The following HLTF variants were observed in gnomAD, a reference collection of about 807,000 sequenced individuals.
HLTF encodes DNA-dependent ATPase/E3 ubiquitin-protein ligase HLTF.
In HLTF, 127 loss-of-function variants were observed where a neutral mutation model predicts 129.4. That is an observed-to-expected ratio of 0.98 (90% CI 0.85 to 1.14). HLTF has a LOEUF of 1.14. Ranked by LOEUF, HLTF falls within the 50% of genes most tolerant of loss-of-function variation. HLTF has a pLI of 0.00. For synonymous variants in HLTF, 332 were observed against 388.8 expected, an observed-to-expected ratio of 0.85 and a Z score of 1.72; for missense variants, 1,139 against 1,187.1, an observed-to-expected ratio of 0.96 and a Z score of 0.60.
chr3:149,048,230 C>T (rs929091112), intron 16 of HLTF, 67 bp from the exon 17 acceptor site: 7 of 1,312,034 alleles, frequency 5.3e-6, no homozygotes, highest in South Asian at 1.5e-5. Context: ...CTATTTGGCC[C>T]AATCAGAGAA....
rs1377714488 is a variant in HLTF, at chr3:149,050,357, T to C, written c.1492A>G (p.Ile498Val). The change falls in exon 15 of 25, where the codon ATA (isoleucine) becomes GTA (valine). Residue 498 changes from isoleucine (I) to valine (V), a missense_variant. By Grantham distance (29) the Ile-to-Val change is conservative. Transcript: ENST00000310053. ...AAATTCAAGTGTACATCTGATTTTA[T>C]ATGTTGTCCAAACTGGTCCTAAAGA... Reference protein sequence around the residue: ...SNWIDQFGQHIKSDVHLNFYV... With the variant: ...SNWIDQFGQHVKSDVHLNFYV... 2 of 1,589,156 alleles carry C rather than the reference T, an allele frequency of 1.3e-6. No homozygotes were observed. The highest frequency in any genetic ancestry group is 8.6e-7 in the Non-Finnish European group (1 of 1,165,380).
At chr3:149,049,382 T>G (rs1351566436) in intron 15 of HLTF, among the ~76,000 whole-genome samples, 3 of 152,170 alleles carry the variant, frequency 2.0e-5, no homozygotes, top group African/African-American at 7.2e-5. Context: ...AAGAATTACT[T>G]GAATTCAACA....
At chr3:149,033,350 G>A (rs1715295329) in intron 24 of HLTF, among the ~76,000 whole-genome samples, 1 of 143,422 alleles carries the variant, frequency 7.0e-6, no homozygotes, top group Non-Finnish European at 1.5e-5. Flanking sequence ...GATAGTTCTC[G>A]AAAGTAATAA....
intron 7 of HLTF, 149 bp downstream of exon 7, chr3:149,071,103 C>T: frequency 2.1e-6 from 1 of 486,506 alleles, no homozygotes. Flanking sequence ...TAACTAAAAA[C>T]TACAGGAAAA....
chr3:149,079,871 G>A (rs190919697), intron 2 of HLTF, among the ~76,000 whole-genome samples: 17 of 152,168 alleles, frequency 1.1e-4, no homozygotes, highest in Middle Eastern at 3.4e-3. Flanking sequence ...GATTACAGGC[G>A]TGAGCCACCA....
At chr3:149,035,316 A>T (rs1332093675) in intron 23 of HLTF, among the ~76,000 whole-genome samples, 2 of 152,170 alleles carry the variant, frequency 1.3e-5, no homozygotes, top group Non-Finnish European at 2.9e-5. Context: ...TGTGCTTAAC[A>T]GCAGAAAAAG....
At chr3:149,054,054 A>C (rs931453775) in intron 14 of HLTF, among the ~76,000 whole-genome samples, 5 of 152,164 alleles carry the variant, frequency 3.3e-5, no homozygotes, top group Non-Finnish European at 4.4e-5. Context: ...AATAAACCAA[A>C]AACTTATATA....
intron 8 of HLTF, among the ~76,000 whole-genome samples, chr3:149,065,313 T>C (rs1297715935): frequency 6.6e-6 from 1 of 152,202 alleles, no homozygotes; most frequent in African/African-American, 2.4e-5. Flanking sequence ...TAATATATAA[T>C]AGTACAGGTC....
chr3:149,054,415 A>T (rs2108000641), intron 14 of HLTF, among the ~76,000 whole-genome samples: 1 of 152,294 alleles, frequency 6.6e-6, no homozygotes, highest in East Asian at 1.9e-4. Context: ...AAAAGAGAGA[A>T]TCCAATGTAG....
intron 2 of HLTF, among the ~76,000 whole-genome samples, chr3:149,079,817 T>A (rs557901034): frequency 6.2e-4 from 95 of 152,208 alleles, no homozygotes; most frequent in African/African-American, 2.3e-3. Flanking sequence ...GGTCTCAATC[T>A]CCTAACCTCG....
At chr3:149,058,015 A>G (rs151318815) in intron 13 of HLTF, among the ~76,000 whole-genome samples, 12 of 152,286 alleles carry the variant, frequency 7.9e-5, no homozygotes, top group Non-Finnish European at 1.6e-4. Context: ...ACGAATTCCT[A>G]TTGCTGCACA....
chr3:149,039,431 C>A, intron 22 of HLTF, 150 bp downstream of exon 22: 1 of 589,008 alleles, frequency 1.7e-6, no homozygotes, highest in Non-Finnish European at 2.8e-6. Context: ...TCTTGTGCTG[C>A]CAGGAAGTAT....
chr3:149,038,200 T>C (rs1310299135), intron 23 of HLTF, among the ~76,000 whole-genome samples: 1 of 152,212 alleles, frequency 6.6e-6, no homozygotes, highest in Non-Finnish European at 1.5e-5. Context: ...CATTAAAGCT[T>C]AAGACTACTA....
Position 149,050,290 on chromosome 3 carries a change from A to G in HLTF, c.1559T>C (p.Leu520Ser). The G allele has an allele frequency of 6.2e-7, 1 of 1,602,058 alleles. No individual in the cohort carries two copies. Among genetic ancestry groups the G allele is most frequent in the East Asian group, 2.2e-5 (1 of 44,672 alleles). ...CAAAACAATATCCTGTTTTGAAAGTAAGGCCGGTTCTCTAATACGATCAGG... is the reference window on the plus strand; with the variant it reads ...CAAAACAATATCCTGTTTTGAAAGTGAGGCCGGTTCTCTAATACGATCAGG... ...YGPDRIREPALLSKQDIVLTT... is the reference protein window; with the variant it reads ...YGPDRIREPASLSKQDIVLTT... Residue 520 changes from leucine (L) to serine (S), a missense_variant, in exon 15 of 25, where the codon TTA (leucine) becomes TCA (serine). By Grantham distance (145) the Leu-to-Ser change is moderately radical. Coordinates refer to ENST00000310053, the MANE Select transcript of HLTF (RefSeq NM_003071.4).
Position 149,082,571 on chromosome 3 carries a change from G to C in HLTF, c.228+2111C>G, listed in dbSNP as rs184836487. ...ACTTTGAGGGAGACGGATACAATCT[G>C]TATCTTGATTGGGGTAGTAGTTATC... On this transcript the variant is annotated intron_variant, in intron 2 of 24. Transcript: ENST00000310053. Among the ~76,000 whole-genome samples, 18 of 152,288 alleles carry C rather than the reference G, an allele frequency of 1.2e-4. No homozygotes were observed. The East Asian group carries it at 2.9e-3, about 24-fold the overall frequency.
Position 149,068,273 on chromosome 3 carries a change from AG to A in HLTF, c.956del (p.Pro319LeufsTer10). ...LTNFHDGRPL[P>X]IERVKKNLLK... ...GTAGATTCTTTTTAACTCTTTCAAT[AG>A]GAAGAGGTCTGCCATCATGGAAGTT... On this transcript the variant is annotated frameshift_variant, in exon 8 of 25. Coordinates refer to ENST00000310053, the MANE Select transcript of HLTF (RefSeq NM_003071.4). LOFTEE classifies it high-confidence loss of function. 6.4e-7 allele frequency: 1 copy of A among 1,565,778 alleles called. No individual in the cohort carries two copies. The highest frequency in any genetic ancestry group is 8.8e-7 in the Non-Finnish European group (1 of 1,141,056).
At chr3:149,034,725 A>G (rs1559851516) in intron 24 of HLTF, among the ~76,000 whole-genome samples, 193 bp downstream of exon 24, 5 of 152,238 alleles carry the variant, frequency 3.3e-5, no homozygotes, top group South Asian at 2.1e-4. Context: ...AGATGTACAC[A>G]TAACTATAAA....
At chr3:149,066,523 G>A (rs1260949292) in intron 8 of HLTF, among the ~76,000 whole-genome samples, 1 of 151,204 alleles carries the variant, frequency 6.6e-6, no homozygotes, top group African/African-American at 2.4e-5. Flanking sequence ...ACTTGAAAGA[G>A]TGACAATTTT....
rs78525660 is a variant in HLTF, at chr3:149,059,789, A to G, written c.1304T>C (p.Ile435Thr). 2.9e-4 allele frequency: 463 copies of G among 1,597,330 alleles called. 1 individual carries two copies. In the African/African-American group the frequency reaches 5.6e-3, roughly 19 times the overall value. ...GRAKAGSSKV[I>T]EDVAFACALT... ...TGCACATGCAAATGCCACATCTTCT[A>G]TAACCTTAGAAGATCCTGCTGATAA... Residue 435 changes from isoleucine to threonine, a missense_variant, in exon 13 of 25, where the codon ATA becomes ACA. Physicochemically the swap from Ile to Thr is moderately conservative, Grantham distance 89. Coordinates refer to ENST00000310053, the MANE Select transcript of HLTF (RefSeq NM_003071.4).
Sources: allele counts gnomAD v4.1 joint callset (sites outside exome capture counted in the v4.1 genomes callset), GRCh38; gene constraint gnomAD v4.1.1; transcripts MANE v1.5; gene names NCBI Gene and HGNC (gene_info 2026-07-23, HGNC 2026-07-21).